The following NUMBL variants were observed in gnomAD, a reference collection of about 807,000 sequenced individuals.
The protein encoded by NUMBL is NUMB like endocytic adaptor protein.
In NUMBL, 20 loss-of-function variants were observed where a neutral mutation model predicts 48.9. The observed-to-expected ratio is 0.41, with a 90% confidence interval of 0.29 to 0.59. NUMBL has a LOEUF of 0.59. Among genes scored for constraint, NUMBL ranks in the 20% least tolerant of loss-of-function variants. The pLI, the probability that NUMBL is intolerant of heterozygous loss-of-function variation, is 0.31. For synonymous variants in NUMBL, 340 were observed against 348.7 expected (o/e 0.98, Z 0.28); for missense variants, 660 against 846.2 (o/e 0.78, Z 2.73).
intron 3 of NUMBL, 198 bp downstream of exon 3, chr19:40,684,219 C>A: frequency 1.7e-6 from 1 of 580,276 alleles, no homozygotes; most frequent in Non-Finnish European, 2.9e-6. Context: ...CAGGCGCCCG[C>A]CACCACGCGA....
At position 40,677,300 on chromosome 19, in the gene NUMBL, C is replaced by T. The variant is rs1476471206; in HGVS notation, c.662G>A (p.Arg221His). ...AFDASRTSFA[R>H]EGSFRLSGGG... ...CCCAGACAGGCGGAAGGAGCCCTCG[C>T]GGGCGAAGCTGGTGCGGCTGGCATC... is the stretch of plus-strand genomic sequence containing the variant. The change falls in exon 7 of 10, where the codon CGC (arginine) becomes CAC (histidine). Residue 221 changes from arginine (R) to histidine (H), a missense_variant. Arg to His is a conservative substitution (Grantham distance 29, BLOSUM62 0). This residue lies in a region of NUMBL where 278 missense variants were observed against 420.6 expected (regional missense o/e 0.66). Transcript: ENST00000252891. 28 of 1,610,022 alleles carry T rather than the reference C, an allele frequency of 1.7e-5. No homozygotes were observed. The highest frequency in any genetic ancestry group is 2.3e-5 in the Non-Finnish European group (27 of 1,178,862).
chr19:40,677,261 G>A lies in NUMBL; in HGVS notation c.701C>T (p.Ala234Val). The A allele has an allele frequency of 6.3e-7, 1 of 1,584,292 alleles. No individual in the cohort carries two copies. The highest frequency in any genetic ancestry group is 8.6e-7 in the Non-Finnish European group (1 of 1,166,182). The change falls in exon 7 of 10, where the codon GCT (alanine) becomes GTT (valine). Residue 234 changes from alanine to valine, a missense_variant. Around this residue, in one of 3 missense-constraint regions of NUMBL, gnomAD observed 278 missense variants for 420.6 expected, o/e 0.66. Transcript: ENST00000252891. Reference sequence around the variant, plus strand: ...CTTCTTGTCCGGGGCCTCTCGCTCAGCAGGCCGCCCACCCCCAGACAGGCG... The same window carrying A: ...CTTCTTGTCCGGGGCCTCTCGCTCAACAGGCCGCCCACCCCCAGACAGGCG... ...SFRLSGGGRP[A>V]EREAPDKKKA...
intron 1 of NUMBL, among the ~76,000 whole-genome samples, chr19:40,689,340 G>A (rs1312925210): frequency 6.6e-6 from 1 of 152,032 alleles, no homozygotes; most frequent in East Asian, 1.9e-4. Context: ...TCTGCACAGT[G>A]AGCAGCTGTC....
Position 40,682,039 on chromosome 19 carries a change from T to C in NUMBL, c.399+689A>G, listed in dbSNP as rs1252006398. On this transcript the variant is annotated intron_variant, in intron 5 of 9. Coordinates refer to ENST00000252891, the MANE Select transcript of NUMBL (RefSeq NM_004756.5). This position sits in a 1 kb window ranked among gnomAD's most constrained non-coding sequence, Gnocchi z 4.0. ...CCTTGCTATGTTTCACAGGCTGATCTTGAACTCCTGGCTTCAAGGGGCCCT... is the reference window on the plus strand; with the variant it reads ...CCTTGCTATGTTTCACAGGCTGATCCTGAACTCCTGGCTTCAAGGGGCCCT... 1.3e-5 allele frequency among the ~76,000 whole-genome samples: 2 copies of C among 152,202 alleles called. No individual in the cohort carries two copies. The highest frequency in any genetic ancestry group is 6.5e-5 in the Admixed American group (1 of 15,278).
At position 40,688,833 on chromosome 19, in the gene NUMBL, G is replaced by A. The variant is rs1308393635; in HGVS notation, c.24+1627C>T. 1.3e-5 allele frequency among the ~76,000 whole-genome samples: 2 copies of A among 152,176 alleles called. No homozygotes were observed. Among genetic ancestry groups the A allele is most frequent in the Non-Finnish European group, 2.9e-5 (2 of 68,034 alleles). The stretch of plus-strand genomic sequence containing the variant: ...AACCCAAATCACACATGCAAGGCTA[G>A]AAATACACACAATCACTCGTTATCA... On this transcript the variant is annotated intron_variant, in intron 1 of 9. Transcript: ENST00000252891. The surrounding 1 kb of genome is among the most constrained non-coding windows in gnomAD (Gnocchi z 4.6).
chr19:40,680,696 G>C (rs1035921022), intron 6 of NUMBL, among the ~76,000 whole-genome samples: 1 of 152,040 alleles, frequency 6.6e-6, no homozygotes, highest in African/African-American at 2.4e-5. Flanking sequence ...CAATCCCCCC[G>C]CCCCAGCATC....
In NUMBL at chr19:40,673,763, G is replaced by C; in HGVS notation, c.731-114C>G. Reference sequence around the variant, plus strand: ...CTGCCTTCCTTGCCCAGTGAGTCCTGCCCTTAAGACAAGCTAGTCAAAGCC... The same window carrying C: ...CTGCCTTCCTTGCCCAGTGAGTCCTCCCCTTAAGACAAGCTAGTCAAAGCC... On this transcript the variant is annotated intron_variant, in intron 7 of 9. Coordinates refer to ENST00000252891, the MANE Select transcript of NUMBL (RefSeq NM_004756.5). This position sits in a 1 kb window ranked among gnomAD's most constrained non-coding sequence, Gnocchi z 5.9. 1.0e-6 allele frequency: 1 copy of C among 1,004,196 alleles called. No homozygotes were observed. The highest frequency in any genetic ancestry group is 1.4e-6 in the Non-Finnish European group (1 of 708,864). The allele number at this position is 1,004,196 out of a possible 1,614,324, so 62.2% of individuals were successfully genotyped here.
intron 3 of NUMBL, among the ~76,000 whole-genome samples, chr19:40,683,299 C>A (rs574795055): frequency 6.6e-6 from 1 of 152,264 alleles, no homozygotes; most frequent in East Asian, 1.9e-4. Context: ...CTTTGCCTAC[C>A]CTAAAGCAGC....
At chr19:40,684,310 A>G in intron 3 of NUMBL, 107 bp downstream of exon 3, 1 of 1,278,882 alleles carries the variant, frequency 7.8e-7, no homozygotes, top group Non-Finnish European at 1.1e-6. Context: ...TTTAACACCA[A>G]CTTCAAACGA....
chr19:40,681,059 T>C lies in NUMBL; in HGVS notation c.400-2A>G, dbSNP rs1449534660. The stretch of plus-strand genomic sequence containing the variant: ...GATGGTCTGGTCGACCAGAAGATCC[T>C]AGGAGGGGCCGGGGAGGCCAGGAGA... On this transcript the variant is annotated splice_acceptor_variant, in intron 5 of 9. Transcript: ENST00000252891. LOFTEE classifies it high-confidence loss of function. The C allele has an allele frequency of 1.2e-6, 2 of 1,613,816 alleles. No homozygotes were observed. Among genetic ancestry groups the C allele is most frequent in the Non-Finnish European group, 1.7e-6 (2 of 1,179,890 alleles).
chr19:40,684,403 C>T lies in NUMBL; in HGVS notation c.249+14G>A. 1 of 1,550,372 alleles carries T rather than the reference C, an allele frequency of 6.5e-7. No homozygotes were observed. The highest frequency in any genetic ancestry group is 8.7e-7 in the Non-Finnish European group (1 of 1,152,916). On this transcript the variant is annotated intron_variant, in intron 3 of 9. Coordinates refer to ENST00000252891, the MANE Select transcript of NUMBL (RefSeq NM_004756.5). ...GTCCCCCTCGCCCCGCCGCACCCTG[C>T]CGCGCCCACTCACCCTGACCGGGAA...
intron 1 of NUMBL, chr19:40,690,218 G>A (rs2081957948): frequency 2.8e-6 from 1 of 360,966 alleles, no homozygotes; most frequent in Non-Finnish European, 4.9e-6. Context: ...GTTTTGTGGG[G>A]GGTCTGTGTC....
chr19:40,672,496 C>T (rs1329634457), intron 8 of NUMBL, among the ~76,000 whole-genome samples: 2 of 152,242 alleles, frequency 1.3e-5, no homozygotes, highest in Non-Finnish European at 2.9e-5. Context: ...TCTGTGCCTA[C>T]AACAAATGTT....
At chr19:40,677,812 C>T (rs970026986) in intron 6 of NUMBL, among the ~76,000 whole-genome samples, 2 of 152,096 alleles carry the variant, frequency 1.3e-5, no homozygotes, top group African/African-American at 4.8e-5. Context: ...GGGGCAACTG[C>T]ACTCCAGCTT....
chr19:40,680,350 AG>A (rs751071909), intron 6 of NUMBL, among the ~76,000 whole-genome samples: 1 of 152,240 alleles, frequency 6.6e-6, no homozygotes, highest in East Asian at 1.9e-4. Context: ...GGGTTTTACC[AG>A]GTTGGCCAGG....
intron 6 of NUMBL, 31 bp from the exon 7 acceptor site, chr19:40,677,452 AG>A: frequency 6.3e-7 from 1 of 1,593,898 alleles, no homozygotes; most frequent in South Asian, 1.1e-5. Context: ...GGGGGGTTAG[AG>A]GCGCTGGGCA....
At chr19:40,670,815 G>A (rs1057368052) in intron 8 of NUMBL, among the ~76,000 whole-genome samples, 11 of 152,080 alleles carry the variant, frequency 7.2e-5, no homozygotes, top group Admixed American at 3.9e-4. Context: ...GGTGTGTGGC[G>A]TCCTGATGCG....
intron 3 of NUMBL, among the ~76,000 whole-genome samples, chr19:40,683,761 C>CA (rs11368922): frequency 0.27 from 40,399 of 152,024 alleles, 5,595 homozygotes; most frequent in South Asian, 0.3. Flanking sequence ...TTTGCTGGTA[C>CA]AAAAAAATGT....
At chr19:40,690,358 G>T in intron 1 of NUMBL, 102 bp downstream of exon 1, 1 of 665,560 alleles carries the variant, frequency 1.5e-6, no homozygotes, top group South Asian at 5.9e-5. Context: ...CTCCAGCCTT[G>T]GCACCCTCTC....
Sources: gnomAD v4.1 joint callset for allele counts (sites outside exome capture counted in the v4.1 genomes callset) on GRCh38, gnomAD v4.1.1 for gene constraint, gnomAD v4.1.1 regional missense constraint, Gnocchi (gnomAD v3.1) non-coding constraint, MANE v1.5 for transcripts, NCBI Gene and HGNC (gene_info 2026-07-23, HGNC 2026-07-21) for gene names.